CNTN4: variants seen among roughly 807,000 people sequenced by gnomAD.
The protein encoded by CNTN4 is contactin 4, also known as contactin-4.
In CNTN4, 77 loss-of-function variants were observed where a neutral mutation model predicts 122.5. The ratio of observed to expected loss-of-function variants is 0.63; its 90% CI spans 0.52 to 0.76. CNTN4 has a LOEUF of 0.76. CNTN4 is among the 30% of genes least tolerant of loss of function. CNTN4 has a pLI of 0.00. For synonymous variants in CNTN4, 512 were observed against 447.0 expected (o/e 1.15, Z -1.83); for missense variants, 1,256 against 1,259.1 (o/e 1.00, Z 0.04).
intron 2 of CNTN4, among the ~76,000 whole-genome samples, chr3:2,210,893 A>G (rs981063242): frequency 6.6e-6 from 1 of 152,222 alleles, no homozygotes; most frequent in Non-Finnish European, 1.5e-5. Context: ...TGATGTTTTC[A>G]ACTAATGTTT....
chr3:2,409,837 T>G (rs1575573555), intron 3 of CNTN4, among the ~76,000 whole-genome samples: 1 of 152,240 alleles, frequency 6.6e-6, no homozygotes, highest in East Asian at 1.9e-4. Flanking sequence ...TAAAATTATA[T>G]GTTATATGTA....
intron 3 of CNTN4, among the ~76,000 whole-genome samples, chr3:2,525,164 C>T (rs538191304): frequency 5.9e-5 from 9 of 152,220 alleles, no homozygotes; most frequent in African/African-American, 2.2e-4. Context: ...GGTGTTCATG[C>T]AGCATGCACT....
intron 3 of CNTN4, among the ~76,000 whole-genome samples, chr3:2,552,167 G>T (rs2078536014): frequency 6.6e-6 from 1 of 152,144 alleles, no homozygotes; most frequent in South Asian, 2.1e-4. Context: ...TGGGTTCATA[G>T]ATCTAGGCTG....
chr3:2,841,884 G>A lies in CNTN4; in HGVS notation c.454+22303G>A, dbSNP rs913851059. 6.7e-6 allele frequency among the ~76,000 whole-genome samples: 1 copy of A among 150,136 alleles called. No homozygotes were observed. Among genetic ancestry groups the A allele is most frequent in the Non-Finnish European group, 1.5e-5 (1 of 68,022 alleles). Reference sequence around the variant, plus strand: ...ATCTTTTATATCACAGTAAGAAGCTGATCAAAGGTGTTGAAAGCTGACTGT... The same window carrying A: ...ATCTTTTATATCACAGTAAGAAGCTAATCAAAGGTGTTGAAAGCTGACTGT... On this transcript the variant is annotated intron_variant, in intron 7 of 24. Coordinates refer to ENST00000418658, the MANE Select transcript of CNTN4 (RefSeq NM_175607.3). The surrounding 1 kb of genome is among the most constrained non-coding windows in gnomAD (Gnocchi z 4.8).
chr3:3,050,955 T>G (rs1249334116), intron 23 of CNTN4, among the ~76,000 whole-genome samples: 1 of 152,130 alleles, frequency 6.6e-6, no homozygotes, highest in Non-Finnish European at 1.5e-5. Context: ...AGAACAAGCT[T>G]GTACAGCCCA....
At chr3:2,702,792 A>G (rs1225761143) in intron 4 of CNTN4, among the ~76,000 whole-genome samples, 1 of 152,216 alleles carries the variant, frequency 6.6e-6, no homozygotes, top group Non-Finnish European at 1.5e-5. Context: ...AGCTAAGGAC[A>G]AAAAGGAGTT....
At chr3:2,295,572 A>G (rs1241510226) in intron 2 of CNTN4, among the ~76,000 whole-genome samples, 1 of 151,680 alleles carries the variant, frequency 6.6e-6, no homozygotes, top group East Asian at 1.9e-4. Context: ...TAGATTCTGG[A>G]TATTAGTCCT....
At chr3:2,233,368 C>A (rs886778974) in intron 2 of CNTN4, among the ~76,000 whole-genome samples, 5 of 152,082 alleles carry the variant, frequency 3.3e-5, no homozygotes, top group South Asian at 4.2e-4. Flanking sequence ...CTCTACATAA[C>A]CTCTTAAGTG....
rs76061448 is a variant in CNTN4 at position 2,943,418 on chromosome 3, A to G, written c.1358+17639A>G. 2.4e-4 allele frequency among the ~76,000 whole-genome samples: 37 copies of G among 152,182 alleles called. No individual in the cohort carries two copies. The East Asian group carries it at 6.8e-3, about 28-fold the overall frequency. On this transcript the variant is annotated intron_variant, in intron 13 of 24. Coordinates refer to ENST00000418658, the MANE Select transcript of CNTN4 (RefSeq NM_175607.3). ...TTACTTCTAGTTCCCTCAAGTGTGG[A>G]AGAAGCAAAGAGAGCACAGTCAAGT...
At chr3:2,932,920 T>C (rs1418583402) in intron 13 of CNTN4, among the ~76,000 whole-genome samples, 1 of 152,088 alleles carries the variant, frequency 6.6e-6, no homozygotes, top group Non-Finnish European at 1.5e-5. Flanking sequence ...CCTCCCGGGT[T>C]CACATCATTC....
intron 5 of CNTN4, 40 bp downstream of exon 5, chr3:2,736,381 T>C: frequency 6.3e-7 from 1 of 1,590,818 alleles, no homozygotes; most frequent in African/African-American, 1.3e-5. Context: ...TGCATATAGT[T>C]TCTGTTATTA....
chr3:3,024,751 C>A (rs1200240767), intron 14 of CNTN4, among the ~76,000 whole-genome samples: 3 of 152,110 alleles, frequency 2.0e-5, no homozygotes, highest in African/African-American at 7.2e-5. Context: ...GTTTTAAATA[C>A]TCTCTTTAAA....
intron 13 of CNTN4, among the ~76,000 whole-genome samples, chr3:2,981,245 C>G (rs567263618): frequency 3.3e-5 from 5 of 152,116 alleles, no homozygotes; most frequent in African/African-American, 1.2e-4. Context: ...GAGATCGAGA[C>G]CATCCTGGCT....
intron 3 of CNTN4, among the ~76,000 whole-genome samples, chr3:2,426,422 C>G (rs1218417266): frequency 6.6e-6 from 1 of 152,168 alleles, no homozygotes; most frequent in Non-Finnish European, 1.5e-5. Context: ...ATGAAACCCA[C>G]TTGATCATGG....
chr3:2,695,309 A>C (rs936307788), intron 4 of CNTN4, among the ~76,000 whole-genome samples: 1 of 152,140 alleles, frequency 6.6e-6, no homozygotes. Flanking sequence ...TCTCTCTAAC[A>C]TCTTCCAGCC....
chr3:2,649,373 G>A (rs1326981134), intron 4 of CNTN4, among the ~76,000 whole-genome samples: 1 of 152,148 alleles, frequency 6.6e-6, no homozygotes, highest in Non-Finnish European at 1.5e-5. Context: ...AATACAGCTG[G>A]TGACTTTAAG....
At chr3:2,290,008 G>A (rs918392597) in intron 2 of CNTN4, among the ~76,000 whole-genome samples, 2 of 152,104 alleles carry the variant, frequency 1.3e-5, no homozygotes, top group South Asian at 4.1e-4. Context: ...TCCCATCTTA[G>A]GGTGTACCTT....
chr3:2,453,149 T>G (rs2048889242), intron 3 of CNTN4, among the ~76,000 whole-genome samples: 3 of 152,000 alleles, frequency 2.0e-5, no homozygotes, highest in Admixed American at 6.6e-5. Context: ...ACAATCTTCT[T>G]GTACAAAATA....
chr3:2,845,621 A>T (rs1206557342), intron 7 of CNTN4, among the ~76,000 whole-genome samples: 2 of 152,194 alleles, frequency 1.3e-5, no homozygotes, highest in Non-Finnish European at 2.9e-5. Context: ...GTTTGAAAAC[A>T]GTTTTCAAGA....
Sources: gnomAD v4.1 joint callset for allele counts (sites outside exome capture counted in the v4.1 genomes callset) on GRCh38, gnomAD v4.1.1 for gene constraint, Gnocchi (gnomAD v3.1) non-coding constraint, MANE v1.5 for transcripts, NCBI Gene and HGNC (gene_info 2026-07-23, HGNC 2026-07-21) for gene names.